Variants in GRID2 observed in about 807,000 individuals in gnomAD.
GRID2 encodes glutamate receptor ionotropic, delta-2.
Under a neutral mutation model 114.8 loss-of-function variants are expected in GRID2, and 33 were observed. That is an observed-to-expected ratio of 0.29 (90% CI 0.22 to 0.38). The LOEUF (loss-of-function observed/expected upper bound fraction) is 0.38, where lower values mean the gene tolerates loss of function less well. Among genes scored for constraint, GRID2 ranks in the 10% least tolerant of loss-of-function variants. The probability of loss-of-function intolerance (pLI) is 1.00; values close to 1 mark genes in which losing one functional copy is unlikely to be tolerated. For missense variants in GRID2, 1,184 were observed against 1,257.7 expected (o/e 0.94, Z 0.89); for synonymous variants, 505 against 449.9 (o/e 1.12, Z -1.55).
At chr4:92,702,389 C>G (rs1018985469) in intron 2 of GRID2, 3 of 151,514 alleles carry the variant, frequency 2.0e-5, no homozygotes, top group African/African-American at 7.3e-5. Context: ...CTCTGGCTGC[C>G]GTAACATTCC....
intron 2 of GRID2, among the ~76,000 whole-genome samples, chr4:92,883,246 C>T (rs911559357): frequency 6.6e-6 from 1 of 152,216 alleles, no homozygotes. Flanking sequence ...TAACAAGTAA[C>T]TCCTTATCTG....
intron 4 of GRID2, among the ~76,000 whole-genome samples, chr4:93,138,490 G>C (rs188288000): frequency 6.6e-6 from 1 of 152,138 alleles, no homozygotes; most frequent in Admixed American, 6.5e-5. Flanking sequence ...TTTAATACAT[G>C]AATTTGCCTC....
rs758185219 is a variant in GRID2, at chr4:93,057,779, G to A, written c.245-27216G>A. ...TTATAATATTCAATGAACAGCACCC[G>A]CCAGAATTCTTATCTGCATTTAATA... On this transcript the variant is annotated intron_variant, in intron 2 of 15. Coordinates refer to ENST00000282020, the MANE Select transcript of GRID2 (RefSeq NM_001510.4). Among the ~76,000 whole-genome samples the A allele has an allele frequency of 4.0e-5, 6 of 151,810 alleles. No individual in the cohort carries two copies. In the East Asian group the frequency reaches 5.8e-4, roughly 15 times the overall value.
intron 14 of GRID2, among the ~76,000 whole-genome samples, chr4:93,691,015 A>T (rs1481818372): frequency 6.7e-6 from 1 of 150,128 alleles, no homozygotes; most frequent in Non-Finnish European, 1.5e-5. Flanking sequence ...AAAATATTAT[A>T]TATGTATTTA....
At chr4:92,309,841 T>A (rs1246151904) in intron 1 of GRID2, among the ~76,000 whole-genome samples, 1 of 151,952 alleles carries the variant, frequency 6.6e-6, no homozygotes, top group Non-Finnish European at 1.5e-5. Flanking sequence ...CCTGGAAGGA[T>A]GCAAGTGTGT....
chr4:92,547,489 G>C (rs559448937), intron 1 of GRID2, among the ~76,000 whole-genome samples: 1 of 152,228 alleles, frequency 6.6e-6, no homozygotes, highest in Non-Finnish European at 1.5e-5. Context: ...TAATTCTCTA[G>C]TGAACAAACA....
chr4:93,026,590 A>G (rs1011211310), intron 2 of GRID2, among the ~76,000 whole-genome samples: 5 of 151,894 alleles, frequency 3.3e-5, no homozygotes, highest in Non-Finnish European at 5.9e-5. Context: ...TGGTACAGAA[A>G]TAGAATCATG....
chr4:93,174,758 A>G (rs1164696576), intron 4 of GRID2, among the ~76,000 whole-genome samples: 1 of 152,158 alleles, frequency 6.6e-6, no homozygotes, highest in African/African-American at 2.4e-5. Flanking sequence ...CAGAACAGTG[A>G]TAAATAAATA....
At chr4:92,416,057 G>A (rs1285636288) in intron 1 of GRID2, among the ~76,000 whole-genome samples, 3 of 151,600 alleles carry the variant, frequency 2.0e-5, no homozygotes, top group East Asian at 1.9e-4. Flanking sequence ...CCACATCCAC[G>A]CCAATATCTG....
At chr4:92,690,869 A>C (rs12505684) in intron 2 of GRID2, among the ~76,000 whole-genome samples, 25,077 of 151,898 alleles carry the variant, frequency 0.17, 2,271 homozygotes, top group East Asian at 0.34. Context: ...ATATTCTTCC[A>C]AATCATGGAG....
At chr4:93,675,087 CA>C (rs1724737115) in intron 14 of GRID2, among the ~76,000 whole-genome samples, 2 of 152,072 alleles carry the variant, frequency 1.3e-5, no homozygotes, top group Non-Finnish European at 2.9e-5. Context: ...CTAACAAAGT[CA>C]AATAAATTTA....
intron 1 of GRID2, among the ~76,000 whole-genome samples, chr4:92,571,278 G>A (rs535164725): frequency 6.6e-6 from 1 of 151,846 alleles, no homozygotes; most frequent in Non-Finnish European, 1.5e-5. Context: ...GATCAAAAGA[G>A]ACAAAGAAGG....
At chr4:92,822,725 G>GTCATAGAC (rs987607810) in intron 2 of GRID2, 11 of 162,078 alleles carry the variant, frequency 6.8e-5, no homozygotes, top group African/African-American at 2.2e-4. Flanking sequence ...AGATGATTTT[G>GTCATAGAC]TCATAGACAA....
chr4:93,153,754 A>G (rs1736930318), intron 4 of GRID2, among the ~76,000 whole-genome samples: 1 of 152,090 alleles, frequency 6.6e-6, no homozygotes, highest in African/African-American at 2.4e-5. Flanking sequence ...ATAAGTTCTT[A>G]TGTATAACTG....
exon 2 of GRID2, chr4:93,807,465 T>C (rs1452540342): frequency 2.6e-5 from 4 of 152,174 alleles, no homozygotes; most frequent in Non-Finnish European, 5.9e-5. Flanking sequence ...TTGGCTACTT[T>C]CCTCCACACC....
At chr4:92,723,952 G>A (rs1735934127) in intron 2 of GRID2, among the ~76,000 whole-genome samples, 1 of 151,960 alleles carries the variant, frequency 6.6e-6, no homozygotes, top group Admixed American at 6.6e-5. Flanking sequence ...CGTATTAAAT[G>A]TTCATAGGGA....
chr4:93,002,890 T>A (rs1334468600), intron 2 of GRID2, among the ~76,000 whole-genome samples: 1 of 151,776 alleles, frequency 6.6e-6, no homozygotes, highest in Non-Finnish European at 1.5e-5. Context: ...CTTTTCTAAC[T>A]TCTAGAGGTC....
rs189672656 is a variant in GRID2 at position 92,833,492 on chromosome 4, G to A, written c.244+243206G>A. Reference sequence around the variant, plus strand: ...CTATAGCTCAGGAATGACACTTGATGATCTTTCTTTCTCTGTAGCAAATGA... The same window carrying A: ...CTATAGCTCAGGAATGACACTTGATAATCTTTCTTTCTCTGTAGCAAATGA... On this transcript the variant is annotated intron_variant, in intron 2 of 15. Transcript: ENST00000282020. 2.4e-3 allele frequency among the ~76,000 whole-genome samples: 362 copies of A among 152,246 alleles called. 1 individual carries two copies. The highest frequency in any genetic ancestry group is 3.7e-3 in the Admixed American group (57 of 15,288).
chr4:93,672,508 G>A (rs1312968316), intron 14 of GRID2, among the ~76,000 whole-genome samples: 2 of 152,188 alleles, frequency 1.3e-5, no homozygotes, highest in African/African-American at 4.8e-5. Flanking sequence ...TTAGAAACGT[G>A]GCATGCCAGC....
Sources: gnomAD v4.1 joint callset for allele counts (sites outside exome capture counted in the v4.1 genomes callset) on GRCh38, gnomAD v4.1.1 for gene constraint, MANE v1.5 for transcripts, NCBI Gene and HGNC (gene_info 2026-07-23, HGNC 2026-07-21) for gene names.